OSMR: variants seen among roughly 807,000 people sequenced by gnomAD.
OSMR encodes oncostatin M receptor, also known as oncostatin-M-specific receptor subunit beta.
OSMR carries 81 observed loss-of-function variants against 99.9 expected under a neutral mutation model. The ratio of observed to expected loss-of-function variants is 0.81; its 90% CI spans 0.68 to 0.97. OSMR has a LOEUF of 0.97. Ranked by LOEUF, OSMR falls within the 50% of genes least tolerant of loss-of-function variation. The pLI, the probability that OSMR is intolerant of heterozygous loss-of-function variation, is 0.00. For synonymous variants in OSMR, 406 were observed against 410.4 expected, an observed-to-expected ratio of 0.99 and a Z score of 0.13; for missense variants, 1,099 against 1,153.4, an observed-to-expected ratio of 0.95 and a Z score of 0.68.
At chr5:38,927,621 T>G (rs1746530483) in intron 15 of OSMR, among the ~76,000 whole-genome samples, 1 of 152,054 alleles carries the variant, frequency 6.6e-6, no homozygotes, top group African/African-American at 2.4e-5. Context: ...CAGGAAACCA[T>G]TTTTCCCTAC....
intron 11 of OSMR, among the ~76,000 whole-genome samples, chr5:38,919,960 T>C (rs1378616718): frequency 1.3e-5 from 2 of 152,100 alleles, no homozygotes; most frequent in Non-Finnish European, 2.9e-5. Context: ...CCTAAGTTGG[T>C]TTAGGAGTTG....
Position 38,876,325 on chromosome 5 carries a change from A to G in OSMR, c.198A>G (p.Val66=), listed in dbSNP as rs747908168. 1.2e-6 allele frequency: 2 copies of G among 1,613,428 alleles called. No homozygotes were observed. The highest frequency in any genetic ancestry group is 1.3e-5 in the African/African-American group (1 of 75,052). The stretch of plus-strand genomic sequence containing the variant: ...CTTATCATCAGGAATTGAAAATGGT[A>G]TTTCAGATCCAGATCAGTAGGATTG... ...NLPYHQELKM[V]FQIQISRIET... is the part of the protein sequence containing the mutation. Residue 66 remains valine, a synonymous_variant, in exon 3 of 18, where the codon GTA becomes GTG. Coordinates refer to ENST00000274276, the MANE Select transcript of OSMR (RefSeq NM_003999.3).
At chr5:38,913,245 C>T (rs1199401418) in intron 9 of OSMR, among the ~76,000 whole-genome samples, 1 of 151,988 alleles carries the variant, frequency 6.6e-6, no homozygotes, top group African/African-American at 2.4e-5. Flanking sequence ...AAGCAAACAA[C>T]CCCATTAAAA....
At chr5:38,869,232 C>T (rs1742186881) in intron 2 of OSMR, 115 bp downstream of exon 2, 2 of 847,310 alleles carry the variant, frequency 2.4e-6, no homozygotes, top group African/African-American at 1.7e-5. Context: ...CTTAAAATTC[C>T]TGAGTATCTC....
At chr5:38,861,535 G>A (rs1240194922) in intron 1 of OSMR, among the ~76,000 whole-genome samples, 4 of 152,288 alleles carry the variant, frequency 2.6e-5, no homozygotes, top group South Asian at 2.1e-4. Flanking sequence ...CACAGACACC[G>A]CAACCATCCG....
chr5:38,936,804 A>C (rs998105908), downstream of OSMR, among the ~76,000 whole-genome samples: 4 of 152,218 alleles, frequency 2.6e-5, no homozygotes, highest in African/African-American at 9.6e-5. Flanking sequence ...TTACAACACA[A>C]TAGGTATATT....
At chr5:38,918,606 T>A (rs557120065) in intron 10 of OSMR, 1 of 316,566 alleles carries the variant, frequency 3.2e-6, no homozygotes, top group South Asian at 1.2e-4. Flanking sequence ...TCAGGGCACA[T>A]AATGCTCTTG....
chr5:38,918,866 A>G lies in OSMR; in HGVS notation c.1389A>G (p.Gly463=). 1 of 1,614,154 alleles carries G rather than the reference A, an allele frequency of 6.2e-7. No homozygotes were observed. The highest frequency in any genetic ancestry group is 8.5e-7 in the Non-Finnish European group (1 of 1,179,970). Residue 463 remains glycine, a synonymous_variant, in exon 11 of 18, where the codon GGA becomes GGG. Transcript: ENST00000274276. ...CATTATCAAAACTGCATGCCAATGG[A>G]AAGATCCTGTTCTATAATGTAGTTG... ...WKPLSKLHAN[G]KILFYNVVVE... is the part of the protein sequence containing the mutation.
chr5:38,886,375 C>T (rs1444339929), intron 7 of OSMR, 185 bp downstream of exon 7: 1 of 1,414,276 alleles, frequency 7.1e-7, no homozygotes, highest in South Asian at 1.6e-5. Context: ...TTATTTGTTT[C>T]TTTTAATAAT....
In OSMR at chr5:38,917,627, G is replaced by C; in HGVS notation, c.1362+5G>C. 1 of 1,606,170 alleles carries C rather than the reference G, an allele frequency of 6.2e-7. No homozygotes were observed. The highest frequency in any genetic ancestry group is 8.5e-7 in the Non-Finnish European group (1 of 1,172,964). Reference sequence around the variant, plus strand: ...ACTGTGACCTTATTCTGGAAGGTAAGATGTGCAGATTCCAAAAGTCTGATT... The same window carrying C: ...ACTGTGACCTTATTCTGGAAGGTAACATGTGCAGATTCCAAAAGTCTGATT... On this transcript the variant is annotated splice_donor_5th_base_variant and intron_variant, in intron 10 of 17. Transcript: ENST00000274276.
At chr5:38,928,002 A>G (rs1746547384) in intron 15 of OSMR, among the ~76,000 whole-genome samples, 2 of 152,216 alleles carry the variant, frequency 1.3e-5, no homozygotes, top group African/African-American at 2.4e-5. Flanking sequence ...GCATAACAAG[A>G]GTCACCTTTG....
chr5:38,878,070 T>C (rs17361832), intron 3 of OSMR, among the ~76,000 whole-genome samples: 1,684 of 152,282 alleles, frequency 0.011, 10 homozygotes, highest in Middle Eastern at 0.02. Flanking sequence ...TTTGTTGTGT[T>C]GCTCCAGGTG....
At chr5:38,892,681 G>A (rs1395833275) in intron 7 of OSMR, among the ~76,000 whole-genome samples, 1 of 152,168 alleles carries the variant, frequency 6.6e-6, no homozygotes. Context: ...ATGAGATTAT[G>A]CTGTGAAACC....
intron 1 of OSMR, chr5:38,942,785 C>G: frequency 7.0e-7 from 1 of 1,435,120 alleles, no homozygotes; most frequent in Non-Finnish European, 9.8e-7. Flanking sequence ...AATTCAAACA[C>G]AGAATTATTC....
chr5:38,868,373 C>T (rs1204610904), intron 1 of OSMR, among the ~76,000 whole-genome samples: 1 of 152,186 alleles, frequency 6.6e-6, no homozygotes, highest in Non-Finnish European at 1.5e-5. Context: ...GGTGATACGG[C>T]TTGGCTGTGG....
chr5:38,914,439 C>T (rs1745784243), intron 9 of OSMR, among the ~76,000 whole-genome samples: 1 of 152,206 alleles, frequency 6.6e-6, no homozygotes, highest in Non-Finnish European at 1.5e-5. Flanking sequence ...ATTAGTTCAA[C>T]CTTCGTAAAA....
chr5:38,936,718 C>T (rs1747062153), downstream of OSMR, among the ~76,000 whole-genome samples: 1 of 152,140 alleles, frequency 6.6e-6, no homozygotes, highest in Admixed American at 6.5e-5. Flanking sequence ...TTAAAGCAGT[C>T]TGCATAAAGT....
At chr5:38,862,874 AT>A (rs1358441331) in intron 1 of OSMR, among the ~76,000 whole-genome samples, 1 of 151,992 alleles carries the variant, frequency 6.6e-6, no homozygotes, top group African/African-American at 2.4e-5. Context: ...CCTGGGCACC[AT>A]TGAGCACTGA....
chr5:38,880,516 T>C (rs1478121077), intron 3 of OSMR, among the ~76,000 whole-genome samples: 1 of 151,856 alleles, frequency 6.6e-6, no homozygotes, highest in Non-Finnish European at 1.5e-5. Context: ...CTAGCCGCAG[T>C]ATATAGGAGG....
Sources: allele counts gnomAD v4.1 joint callset (sites outside exome capture counted in the v4.1 genomes callset), GRCh38; gene constraint gnomAD v4.1.1; transcripts MANE v1.5; gene names NCBI Gene and HGNC (gene_info 2026-07-23, HGNC 2026-07-21).